The following DMAC2L variants were observed in gnomAD, a reference collection of about 807,000 sequenced individuals.
DMAC2L encodes distal membrane arm assembly component 2 like, also known as ATP synthase subunit s, mitochondrial.
Under a neutral mutation model 22.5 loss-of-function variants are expected in DMAC2L, and 21 were observed. The ratio of observed to expected loss-of-function variants is 0.93; its 90% CI spans 0.66 to 1.34. The LOEUF (loss-of-function observed/expected upper bound fraction) is 1.34. Ranked by LOEUF, DMAC2L falls within the 40% of genes most tolerant of loss-of-function variation. The pLI, the probability that DMAC2L is intolerant of heterozygous loss-of-function variation, is 0.00. For missense variants in DMAC2L, 239 were observed against 246.5 expected, an observed-to-expected ratio of 0.97 and a Z score of 0.20; for synonymous variants, 86 against 89.5, an observed-to-expected ratio of 0.96 and a Z score of 0.22.
Position 50,325,956 on chromosome 14 carries a change from G to A in DMAC2L, c.*233G>A, listed in dbSNP as rs2032678180. 17 of 1,136,816 alleles carry A rather than the reference G, an allele frequency of 1.5e-5. No homozygotes were observed. The highest frequency in any genetic ancestry group is 4.4e-5 in the South Asian group (2 of 45,068). The allele number at this position is 1,136,816 out of a possible 1,614,324, so 70.4% of individuals were successfully genotyped here. On this transcript the variant is annotated 3_prime_UTR_variant, in exon 6 of 6. Transcript: ENST00000557421. ...CATTTTAAGAAAAGTGCAGCCAGGC[G>A]CAGTGGCTCATGCCTGTAATCCTAG...
chr14:50,322,456 T>C, intron 3 of DMAC2L, 55 bp from the exon 4 acceptor site: 2 of 1,525,170 alleles, frequency 1.3e-6, no homozygotes, highest in Non-Finnish European at 1.8e-6. Flanking sequence ...GTTAATATAG[T>C]TAACAAGCTA....
chr14:50,314,267 G>A (rs2031565658), intron 1 of DMAC2L, among the ~76,000 whole-genome samples: 1 of 152,228 alleles, frequency 6.6e-6, no homozygotes, highest in Non-Finnish European at 1.5e-5. Context: ...AGATGTGATG[G>A]TTTTAAAAAC....
intron 2 of DMAC2L, among the ~76,000 whole-genome samples, chr14:50,316,892 A>G (rs756539681): frequency 5.3e-5 from 8 of 152,080 alleles, no homozygotes; most frequent in Non-Finnish European, 1.0e-4. Context: ...TTTTGGTTCT[A>G]TATGAATTTT....
At position 50,324,105 on chromosome 14, in the gene DMAC2L, G is replaced by C. The variant is rs2032511550; in HGVS notation, c.477G>C (p.Leu159Phe). The C allele has an allele frequency of 6.2e-7, 1 of 1,610,662 alleles. No individual in the cohort carries two copies. The change falls in exon 5 of 6, where the codon TTG (leucine) becomes TTC (phenylalanine). Residue 159 changes from leucine (L) to phenylalanine (F), a missense_variant. Leu to Phe is a conservative substitution (Grantham distance 22). Transcript: ENST00000557421. ...GNITDKGIIALRHLRNLKYLL... is the reference protein window; with the variant it reads ...GNITDKGIIAFRHLRNLKYLL... ...TCACAGACAAAGGCATCATTGCTTTGCGTCATTTAAGGTAGATGATCAAAG... is the reference window on the plus strand; with the variant it reads ...TCACAGACAAAGGCATCATTGCTTTCCGTCATTTAAGGTAGATGATCAAAG...
Position 50,325,636 on chromosome 14 carries a change from T to G in DMAC2L, c.516T>G (p.Asp172Glu). 1 of 1,611,828 alleles carries G rather than the reference T, an allele frequency of 6.2e-7. No homozygotes were observed. Residue 172 changes from aspartate (D) to glutamate (E), a missense_variant, in exon 6 of 6, where the codon GAT becomes GAG. By Grantham distance (45) the Asp-to-Glu change is conservative. Coordinates refer to ENST00000557421, the MANE Select transcript of DMAC2L (RefSeq NM_001382507.1). The part of the protein sequence containing the change: ...LRNLKYLLLS[D>E]LPGVREKENL... ...ACCTCAAATATTTGTTGTTAAGTGATCTTCCTGGAGTAAGAGAAAAAGAAA... is the reference window on the plus strand; with the variant it reads ...ACCTCAAATATTTGTTGTTAAGTGAGCTTCCTGGAGTAAGAGAAAAAGAAA...
chr14:50,324,321 A>G (rs1004036025), intron 5 of DMAC2L: 5 of 380,908 alleles, frequency 1.3e-5, no homozygotes, highest in Non-Finnish European at 2.2e-5. Flanking sequence ...TTTATAGAGT[A>G]TATTTTAAAA....
chr14:50,312,213 G>A (rs1344237654), upstream of DMAC2L: 3 of 1,589,514 alleles, frequency 1.9e-6, no homozygotes, highest in Non-Finnish European at 2.6e-6. Flanking sequence ...CACGGCCGAG[G>A]ACCCGCGCTC....
At chr14:50,319,049 A>G (rs2032050208) in intron 2 of DMAC2L, 3 of 985,286 alleles carry the variant, frequency 3.0e-6, no homozygotes, top group Admixed American at 6.2e-5. Context: ...GCATTTGAGT[A>G]AGGTCTTGAG....
intron 2 of DMAC2L, 79 bp downstream of exon 2, chr14:50,314,705 A>G (rs2031611530): frequency 9.1e-6 from 4 of 440,864 alleles, no homozygotes; most frequent in Non-Finnish European, 1.8e-5. Flanking sequence ...GCAGTGGTGC[A>G]ATCTCAACTC....
rs540166229 is a variant in DMAC2L at position 50,326,239 on chromosome 14, A to G, written c.*516A>G. ...GCGAGACTGTCTCAAAAAAAAAAAA[A>G]AAAGAAAAATGTAAACTAGGTAACA... On this transcript the variant is annotated 3_prime_UTR_variant, in exon 6 of 6. Transcript: ENST00000557421. 5 of 430,800 alleles carry G rather than the reference A, an allele frequency of 1.2e-5. No homozygotes were observed. The highest frequency in any genetic ancestry group is 9.8e-5 in the South Asian group (1 of 10,182). The allele number at this position is 430,800 out of a possible 1,614,324, so 26.7% of individuals were successfully genotyped here. A position where few individuals can be genotyped will look rare whatever the true frequency, so the allele number is the denominator to read the frequency against.
At chr14:50,320,914 CAAATGAG>C (rs2032208870) in intron 2 of DMAC2L, among the ~76,000 whole-genome samples, 1 of 152,214 alleles carries the variant, frequency 6.6e-6, no homozygotes, top group Non-Finnish European at 1.5e-5. Flanking sequence ...TCTCATTTTA[CAAATGAG>C]AAAACCAGAG....
At position 50,327,635 on chromosome 14, in the gene DMAC2L, T is replaced by C. The variant is rs1378013444; in HGVS notation, c.*1912T>C. ...GCCCACCACCACGCCCAGCTAATTT[T>C]TGTACTTTTAGTAGAGACAGGGTTT... On this transcript the variant is annotated 3_prime_UTR_variant, in exon 6 of 6. Coordinates refer to ENST00000557421, the MANE Select transcript of DMAC2L (RefSeq NM_001382507.1). 2 of 152,134 alleles carry C rather than the reference T, an allele frequency of 1.3e-5. No homozygotes were observed. The highest frequency in any genetic ancestry group is 2.9e-5 in the Non-Finnish European group (2 of 68,114). The allele number at this position is 152,134 out of a possible 1,614,324, so 9.4% of individuals were successfully genotyped here.
rs1046401736 is a variant in DMAC2L, at chr14:50,312,328, C to A, written c.-103C>A. 5.8e-6 allele frequency: 5 copies of A among 859,770 alleles called. No homozygotes were observed. The Admixed American group carries it at 1.0e-4, about 18-fold the overall frequency. The allele number at this position is 859,770 out of a possible 1,614,324, so 53.3% of individuals were successfully genotyped here. A position where few individuals can be genotyped will look rare whatever the true frequency, so the allele number is the denominator to read the frequency against. ...GCGCGCGCGTCGGAGGGCGAAGGGCCGGCCAGGGTGCCGCAGACGCGGGGA... is the reference window on the plus strand; with the variant it reads ...GCGCGCGCGTCGGAGGGCGAAGGGCAGGCCAGGGTGCCGCAGACGCGGGGA... On this transcript the variant is annotated 5_prime_UTR_variant, in exon 1 of 6. Coordinates refer to ENST00000557421, the MANE Select transcript of DMAC2L (RefSeq NM_001382507.1).
intron 2 of DMAC2L, among the ~76,000 whole-genome samples, chr14:50,317,956 G>A (rs188188421): frequency 1.3e-5 from 2 of 152,248 alleles, no homozygotes; most frequent in African/African-American, 4.8e-5. Context: ...TAATCACAAA[G>A]GGATGCTGGA....
At chr14:50,312,992 T>C in intron 1 of DMAC2L, 1 of 1,614,180 alleles carries the variant, frequency 6.2e-7, no homozygotes, top group South Asian at 1.1e-5. Flanking sequence ...TGTCCTTTTC[T>C]TGAGTACTGA....
rs1302225018 is a variant in DMAC2L at position 50,326,698 on chromosome 14, A to G, written c.*975A>G. On this transcript the variant is annotated 3_prime_UTR_variant, in exon 6 of 6. Coordinates refer to ENST00000557421, the MANE Select transcript of DMAC2L (RefSeq NM_001382507.1). The stretch of plus-strand genomic sequence containing the variant: ...AGTTTTGCAGATTGCAATATAATAA[A>G]GGAAACAGTAAAAACTAGTGGGCTA... 1 of 985,334 alleles carries G rather than the reference A, an allele frequency of 1.0e-6. No individual in the cohort carries two copies. The highest frequency in any genetic ancestry group is 1.2e-6 in the Non-Finnish European group (1 of 829,934). 61.0% of individuals were successfully genotyped at this position (985,334 alleles called of 1,614,324 possible).
At position 50,327,898 on chromosome 14, in the gene DMAC2L, C is replaced by T. The variant is rs1458994890; in HGVS notation, c.*2175C>T. ...ATAACACAGTATAAATGGTAATTGCCACTGTCATTTTAAAAATCAGAAAAT... is the reference window on the plus strand; with the variant it reads ...ATAACACAGTATAAATGGTAATTGCTACTGTCATTTTAAAAATCAGAAAAT... On this transcript the variant is annotated 3_prime_UTR_variant, in exon 6 of 6. Transcript: ENST00000557421. 3 of 152,032 alleles carry T rather than the reference C, an allele frequency of 2.0e-5. No homozygotes were observed. The highest frequency in any genetic ancestry group is 7.2e-5 in the African/African-American group (3 of 41,392). 9.4% of individuals were successfully genotyped at this position (152,032 alleles called of 1,614,324 possible). A position where few individuals can be genotyped will look rare whatever the true frequency, so the allele number is the denominator to read the frequency against.
rs147587709 is a variant in DMAC2L, at chr14:50,320,345, G to A, written c.-5-1138G>A. On this transcript the variant is annotated intron_variant, in intron 2 of 5. Transcript: ENST00000557421. The stretch of plus-strand genomic sequence containing the variant: ...AGGATCGTCTCGATATCCTGACCTC[G>A]TGATCTGCCTGCCTCGGCCTCCCAA... 6.3e-3 allele frequency among the ~76,000 whole-genome samples: 961 copies of A among 152,068 alleles called. 5 individuals are homozygous for A. The highest frequency in any genetic ancestry group is 0.011 in the Non-Finnish European group (733 of 68,006).
chr14:50,314,575 G>C lies in DMAC2L; in HGVS notation c.-41-16G>C, dbSNP rs748905754. The C allele has an allele frequency of 2.9e-5, 13 of 455,894 alleles. No individual in the cohort carries two copies. Among genetic ancestry groups the C allele is most frequent in the South Asian group, 1.7e-4 (11 of 64,546 alleles). The allele number at this position is 455,894 out of a possible 1,614,324, so 28.2% of individuals were successfully genotyped here. On this transcript the variant is annotated splice_polypyrimidine_tract_variant and intron_variant, in intron 1 of 5. Transcript: ENST00000557421. ...AGTGTACAGCCTTTTGTGTGAACCT[G>C]TTTTTGTTTCTCTAGGATAAGTGCC...
Sources: gnomAD v4.1 joint callset for allele counts (sites outside exome capture counted in the v4.1 genomes callset) on GRCh38, gnomAD v4.1.1 for gene constraint, MANE v1.5 for transcripts, NCBI Gene and HGNC (gene_info 2026-07-23, HGNC 2026-07-21) for gene names.